NPTN: variants seen among roughly 807,000 people sequenced by gnomAD.
NPTN encodes SDR-1.
In NPTN, 5 loss-of-function variants were observed where a neutral mutation model predicts 42.7. The observed-to-expected ratio is 0.12, with a 90% CI of 0.06 to 0.25. NPTN has a LOEUF of 0.25. NPTN is among the 10% of genes least tolerant of loss of function. The pLI, the probability that NPTN is intolerant of heterozygous loss-of-function variation, is 1.00. For missense variants in NPTN, 307 were observed against 525.4 expected (o/e 0.58, Z 4.06); for synonymous variants, 180 against 201.9 (o/e 0.89, Z 0.92).
At chr15:73,599,338 G>A (rs1384286932) in intron 1 of NPTN, among the ~76,000 whole-genome samples, 2 of 152,138 alleles carry the variant, frequency 1.3e-5, no homozygotes, top group Admixed American at 6.6e-5. Flanking sequence ...AAGGAGGGCC[G>A]GGCGTGATGG....
At chr15:73,577,090 T>A (rs1233780060) in intron 4 of NPTN, among the ~76,000 whole-genome samples, 3 of 152,244 alleles carry the variant, frequency 2.0e-5, no homozygotes. Flanking sequence ...AAATTGGGAA[T>A]TGTACTCCTC....
intron 2 of NPTN, among the ~76,000 whole-genome samples, chr15:73,592,992 A>T (rs1896666648): frequency 6.6e-6 from 1 of 152,162 alleles, no homozygotes; most frequent in South Asian, 2.1e-4. Context: ...CTGGGCCTAG[A>T]AGACATATCT....
chr15:73,602,361 A>G (rs1311899200), intron 1 of NPTN, among the ~76,000 whole-genome samples: 1 of 152,152 alleles, frequency 6.6e-6, no homozygotes. Context: ...TCCTCGCAAT[A>G]AAGAGAAAAT....
chr15:73,572,065 A>G (rs982876480), intron 5 of NPTN, among the ~76,000 whole-genome samples: 1 of 152,218 alleles, frequency 6.6e-6, no homozygotes, highest in Non-Finnish European at 1.5e-5. Flanking sequence ...CACCTCGGCA[A>G]TCCTCATCCT....
chr15:73,608,906 C>A (rs1441158800), intron 1 of NPTN, among the ~76,000 whole-genome samples: 1 of 152,124 alleles, frequency 6.6e-6, no homozygotes, highest in Admixed American at 6.5e-5. Context: ...GCTTTACAGA[C>A]ATCTGGAGAT....
chr15:73,566,074 A>G (rs17185294), intron 6 of NPTN, among the ~76,000 whole-genome samples: 57,224 of 152,074 alleles, frequency 0.38, 11,885 homozygotes, highest in Admixed American at 0.46. Context: ...TAAACCCAAG[A>G]GAGACTGAGT....
chr15:73,607,721 A>C (rs75655090), intron 1 of NPTN, among the ~76,000 whole-genome samples: 2,378 of 152,292 alleles, frequency 0.016, 88 homozygotes, highest in African/African-American at 0.054. Context: ...CACACTGAGA[A>C]CTTTGTCATT....
chr15:73,577,592 G>T (rs895540080), intron 4 of NPTN, among the ~76,000 whole-genome samples: 1 of 152,196 alleles, frequency 6.6e-6, no homozygotes, highest in Admixed American at 6.5e-5. Flanking sequence ...GGACTAGATT[G>T]CCTTTGTAGA....
intron 1 of NPTN, among the ~76,000 whole-genome samples, chr15:73,629,276 TTTC>T (rs1179862690): frequency 6.6e-6 from 1 of 152,236 alleles, no homozygotes; most frequent in Non-Finnish European, 1.5e-5. Context: ...AGGCAAACTA[TTTC>T]TTCTGGTCAA....
At chr15:73,567,591 A>C in intron 6 of NPTN, 2 of 985,430 alleles carry the variant, frequency 2.0e-6, no homozygotes, top group Non-Finnish European at 1.2e-6. Flanking sequence ...GAAAAGGCAG[A>C]GAAGAAGGAA....
At position 73,592,105 on chromosome 15, in the gene NPTN, T is replaced by C; in HGVS notation, c.472A>G (p.Ile158Val). 6.2e-7 allele frequency: 1 copy of C among 1,613,986 alleles called. No individual in the cohort carries two copies. The highest frequency in any genetic ancestry group is 8.5e-7 in the Non-Finnish European group (1 of 1,179,926). ...ACAGGGAGAACAGGGCTGTCTCGAATAATGACCTCTTCACTGGTGACAATC... is the reference window on the plus strand; with the variant it reads ...ACAGGGAGAACAGGGCTGTCTCGAACAATGACCTCTTCACTGGTGACAATC... ...PRIVTSEEVIIRDSPVLPVTL... is the reference protein window; with the variant it reads ...PRIVTSEEVIVRDSPVLPVTL... The change falls in exon 3 of 9, where the codon ATT becomes GTT. Residue 158 changes from isoleucine to valine, a missense_variant. Transcript: ENST00000345330.
At chr15:73,563,024 TTGTA>T (rs769135649) in intron 7 of NPTN, among the ~76,000 whole-genome samples, 9 of 152,320 alleles carry the variant, frequency 5.9e-5, no homozygotes, top group Non-Finnish European at 1.0e-4. Flanking sequence ...GTATTCCACT[TTGTA>T]TGGCCACTGG....
intron 1 of NPTN, among the ~76,000 whole-genome samples, chr15:73,623,870 G>T (rs146961930): frequency 6.6e-6 from 1 of 152,110 alleles, no homozygotes; most frequent in Non-Finnish European, 1.5e-5. Flanking sequence ...TGGTTCTGAC[G>T]ATGAGTGCAA....
At position 73,597,196 on chromosome 15, in the gene NPTN, C is replaced by T. The variant is rs1566976177; in HGVS notation, c.265G>A (p.Val89Ile). Residue 89 changes from valine (V) to isoleucine (I), a missense_variant, in exon 2 of 9, where the codon GTA becomes ATA. Physicochemically the swap from Val to Ile is conservative, Grantham distance 29 (BLOSUM62 3). Around this residue, in one of 2 missense-constraint regions of NPTN, gnomAD observed 264 missense variants for 491.1 expected, o/e 0.54. Transcript: ENST00000345330. The surrounding 1 kb of genome is among the most constrained non-coding windows in gnomAD (Gnocchi z 6.3). ...CCGTTTGACCCGTAGGCGGTGTTTA[C>T]GGTGACACGGCGCTTCCGAGCACCG... ...WDGARKRRVT[V>I]NTAYGSNGVS... 1.2e-5 allele frequency: 19 copies of T among 1,614,134 alleles called. No individual in the cohort carries two copies. The highest frequency in any genetic ancestry group is 1.6e-4 in the Middle Eastern group (1 of 6,062).
intron 4 of NPTN, among the ~76,000 whole-genome samples, chr15:73,574,110 A>T (rs1895556986): frequency 6.6e-6 from 1 of 152,246 alleles, no homozygotes; most frequent in Non-Finnish European, 1.5e-5. Context: ...CTACCTTTAA[A>T]GAAAATGCAA....
At chr15:73,581,791 G>A (rs1304878206) in intron 4 of NPTN, among the ~76,000 whole-genome samples, 2 of 152,064 alleles carry the variant, frequency 1.3e-5, no homozygotes, top group African/African-American at 4.8e-5. Flanking sequence ...TTAAGAAAGT[G>A]ATCAAGATAT....
chr15:73,579,172 G>A (rs543689859), intron 4 of NPTN, among the ~76,000 whole-genome samples: 7 of 151,580 alleles, frequency 4.6e-5, no homozygotes, highest in Admixed American at 3.9e-4. Flanking sequence ...CCAGCTACTC[G>A]GGAGGCTGAG....
intron 1 of NPTN, among the ~76,000 whole-genome samples, chr15:73,619,193 G>A (rs1227079774): frequency 6.6e-6 from 1 of 152,090 alleles, no homozygotes; most frequent in African/African-American, 2.4e-5. Context: ...CAGAATTATG[G>A]TGATGGGAAT....
At position 73,586,491 on chromosome 15, in the gene NPTN, A is replaced by C. The variant is rs189616601; in HGVS notation, c.706+1033T>G. Among the ~76,000 whole-genome samples, 157 of 152,318 alleles carry C rather than the reference A, an allele frequency of 1.0e-3. 1 individual carries two copies. The highest frequency in any genetic ancestry group is 3.5e-3 in the African/African-American group (145 of 41,568). The stretch of plus-strand genomic sequence containing the variant: ...GTGGCCATCCCTACATCAACTCACA[A>C]GTTCAGGGCTGTGTCACCAAGACAT... On this transcript the variant is annotated intron_variant, in intron 4 of 8. Transcript: ENST00000345330.
Sources: allele counts gnomAD v4.1 joint callset (sites outside exome capture counted in the v4.1 genomes callset), GRCh38; gene constraint gnomAD v4.1.1; regional missense constraint gnomAD v4.1.1; non-coding constraint Gnocchi (gnomAD v3.1); transcripts MANE v1.5; gene names NCBI Gene and HGNC (gene_info 2026-07-23, HGNC 2026-07-21).